SLC9A9: variants seen among roughly 807,000 people sequenced by gnomAD.
SLC9A9 encodes sodium/hydrogen exchanger 9.
Under a neutral mutation model 77.8 loss-of-function variants are expected in SLC9A9, and 62 were observed. The observed-to-expected ratio is 0.80, with a 90% CI of 0.65 to 0.98. The LOEUF (loss-of-function observed/expected upper bound fraction) is 0.98. Ranked by LOEUF, SLC9A9 falls within the 50% of genes least tolerant of loss-of-function variation. The probability of loss-of-function intolerance (pLI) is 0.00; values close to 1 mark genes in which losing one functional copy is unlikely to be tolerated. For missense variants in SLC9A9, 775 were observed against 774.9 expected, an observed-to-expected ratio of 1.00 and a Z score of 0.00; for synonymous variants, 320 against 283.5, an observed-to-expected ratio of 1.13 and a Z score of -1.29.
At chr3:143,577,539 T>G (rs1028797813) in intron 7 of SLC9A9, among the ~76,000 whole-genome samples, 1 of 152,224 alleles carries the variant, frequency 6.6e-6, no homozygotes, top group Non-Finnish European at 1.5e-5. Context: ...TACAGTGTGA[T>G]AACTTCGATG....
intron 5 of SLC9A9, among the ~76,000 whole-genome samples, chr3:143,691,187 A>G (rs1199952168): frequency 2.0e-5 from 3 of 152,044 alleles, no homozygotes; most frequent in African/African-American, 7.2e-5. Context: ...CCAAGTAGCT[A>G]TAGCTGGAAC....
chr3:143,620,289 C>T (rs1398112543), intron 6 of SLC9A9, among the ~76,000 whole-genome samples: 1 of 152,186 alleles, frequency 6.6e-6, no homozygotes, highest in African/African-American at 2.4e-5. Flanking sequence ...TCAGTTTTCT[C>T]ATCTATTAAT....
intron 6 of SLC9A9, among the ~76,000 whole-genome samples, chr3:143,595,862 C>A (rs766217159): frequency 6.6e-5 from 10 of 152,148 alleles, no homozygotes; most frequent in Non-Finnish European, 1.3e-4. Context: ...ACAGGTTTGG[C>A]AGCAGAAAGG....
intron 11 of SLC9A9, among the ~76,000 whole-genome samples, chr3:143,470,321 A>C (rs186351369): frequency 4.7e-4 from 71 of 152,200 alleles, no homozygotes; most frequent in Non-Finnish European, 7.8e-4. Context: ...TCTACTAAAA[A>C]TACAAAAAAT....
chr3:143,265,764 C>T lies in SLC9A9; in HGVS notation c.*938G>A, dbSNP rs1251097231. 2.0e-6 allele frequency: 1 copy of T among 494,780 alleles called. No individual in the cohort carries two copies. Among genetic ancestry groups the T allele is most frequent in the African/African-American group, 2.0e-5 (1 of 50,904 alleles). 30.6% of individuals were successfully genotyped at this position (494,780 alleles called of 1,614,324 possible). A position where few individuals can be genotyped will look rare whatever the true frequency, so the allele number is the denominator to read the frequency against. On this transcript the variant is annotated 3_prime_UTR_variant, in exon 16 of 16. Coordinates refer to ENST00000316549, the MANE Select transcript of SLC9A9 (RefSeq NM_173653.4). Reference sequence around the variant, plus strand: ...CATCATTGGCTCTGTTCCTCTCGCCCTGCTCCTGCACTGCTCATCAGCTGT... The same window carrying T: ...CATCATTGGCTCTGTTCCTCTCGCCTTGCTCCTGCACTGCTCATCAGCTGT...
rs2032643460 is a variant in SLC9A9 at position 143,358,046 on chromosome 3, G to C, written c.1604+5438C>G. On this transcript the variant is annotated intron_variant, in intron 14 of 15. Coordinates refer to ENST00000316549, the MANE Select transcript of SLC9A9 (RefSeq NM_173653.4). ...TTTCCTTTTTTTTTTTTTTAGTTAA[G>C]ACTAAAATGCCATTTCATTTAAATC... 2.7e-5 allele frequency among the ~76,000 whole-genome samples: 4 copies of C among 147,470 alleles called. No individual in the cohort carries two copies. The South Asian group carries it at 8.5e-4, about 31-fold the overall frequency.
At chr3:143,542,859 A>C (rs1481141621) in intron 9 of SLC9A9, among the ~76,000 whole-genome samples, 1 of 152,234 alleles carries the variant, frequency 6.6e-6, no homozygotes. Flanking sequence ...TAAACTTTTC[A>C]TATAGACCAC....
chr3:143,561,105 C>T (rs867118347), intron 8 of SLC9A9, among the ~76,000 whole-genome samples: 2 of 152,118 alleles, frequency 1.3e-5, no homozygotes, highest in African/African-American at 2.4e-5. Flanking sequence ...TGTTTGAACC[C>T]GGGAGGTGCA....
At chr3:143,598,860 A>C (rs2037801807) in intron 6 of SLC9A9, among the ~76,000 whole-genome samples, 1 of 152,256 alleles carries the variant, frequency 6.6e-6, no homozygotes, top group South Asian at 2.1e-4. Context: ...AAGGACAAAA[A>C]GATACCTGTC....
At chr3:143,765,083 TTCTTTCTC>T (rs1302408997) in intron 4 of SLC9A9, among the ~76,000 whole-genome samples, 20 of 150,424 alleles carry the variant, frequency 1.3e-4, no homozygotes, top group African/African-American at 4.9e-4. Flanking sequence ...CTCTTTCTTT[TTCTTTCTC>T]TCTTTCTTTC....
chr3:143,834,539 T>C (rs1043479471), intron 1 of SLC9A9, among the ~76,000 whole-genome samples: 3 of 151,756 alleles, frequency 2.0e-5, no homozygotes, highest in Non-Finnish European at 4.4e-5. Flanking sequence ...TCCATATTAA[T>C]GTCATTTGTA....
intron 6 of SLC9A9, among the ~76,000 whole-genome samples, chr3:143,614,756 C>T (rs1207958342): frequency 6.6e-6 from 1 of 152,086 alleles, no homozygotes; most frequent in Non-Finnish European, 1.5e-5. Flanking sequence ...TTATGGTAAC[C>T]TTTTATGTAT....
chr3:143,617,245 A>G (rs1110395), intron 6 of SLC9A9, among the ~76,000 whole-genome samples: 2,856 of 152,356 alleles, frequency 0.019, 47 homozygotes, highest in Middle Eastern at 0.051. Flanking sequence ...AGCCTAATCC[A>G]TTCTGTTTTT....
chr3:143,278,581 C>T (rs776928743), intron 14 of SLC9A9, among the ~76,000 whole-genome samples: 6 of 152,184 alleles, frequency 3.9e-5, no homozygotes, highest in South Asian at 4.1e-4. Context: ...GGCTGGTAGA[C>T]GCATCGCTCC....
intron 4 of SLC9A9, among the ~76,000 whole-genome samples, chr3:143,736,757 G>A (rs951743824): frequency 6.6e-6 from 1 of 152,164 alleles, no homozygotes; most frequent in Non-Finnish European, 1.5e-5. Flanking sequence ...GAAGGCGAGG[G>A]TAGTTAATTG....
chr3:143,416,617 C>A (rs1001119299), intron 12 of SLC9A9, among the ~76,000 whole-genome samples: 10 of 151,924 alleles, frequency 6.6e-5, no homozygotes, highest in African/African-American at 2.2e-4. Context: ...TATTGCATAC[C>A]AAATAAAACA....
At chr3:143,329,668 G>A (rs1042571379) in intron 14 of SLC9A9, among the ~76,000 whole-genome samples, 7 of 152,298 alleles carry the variant, frequency 4.6e-5, no homozygotes, top group East Asian at 1.9e-4. Context: ...CTGGCAGAGG[G>A]AGCTTCACTT....
intron 2 of SLC9A9, among the ~76,000 whole-genome samples, chr3:143,812,377 A>G (rs2008891905): frequency 1.3e-5 from 2 of 152,266 alleles, no homozygotes; most frequent in Admixed American, 6.5e-5. Flanking sequence ...AGTTAAATAA[A>G]TTATGATATA....
intron 12 of SLC9A9, among the ~76,000 whole-genome samples, chr3:143,406,446 C>T (rs930659349): frequency 2.0e-5 from 3 of 151,410 alleles, no homozygotes; most frequent in South Asian, 2.1e-4. Context: ...GGCGCGATCT[C>T]GACTCACTGC....
Sources: allele counts gnomAD v4.1 joint callset (sites outside exome capture counted in the v4.1 genomes callset), GRCh38; gene constraint gnomAD v4.1.1; transcripts MANE v1.5; gene names NCBI Gene and HGNC (gene_info 2026-07-23, HGNC 2026-07-21).